Variants in MYRIP observed in about 807,000 individuals in gnomAD.
MYRIP encodes the protein rab effector MyRIP.
MYRIP carries 49 observed loss-of-function variants against 98.0 expected under a neutral mutation model. The ratio of observed to expected loss-of-function variants is 0.50; its 90% CI spans 0.40 to 0.63. The LOEUF is 0.63. Among genes scored for constraint, MYRIP ranks in the 30% least tolerant of loss-of-function variants. MYRIP has a pLI of 0.00. For missense variants in MYRIP, 1,004 were observed against 1,058.2 expected (o/e 0.95, Z 0.71); for synonymous variants, 404 against 409.5 (o/e 0.99, Z 0.16).
Position 40,258,353 on chromosome 3 carries a change from G to A in MYRIP, c.*187G>A, listed in dbSNP as rs1953666663. 1.8e-5 allele frequency: 11 copies of A among 600,500 alleles called. No individual in the cohort carries two copies. The highest frequency in any genetic ancestry group is 5.2e-5 in the Admixed American group (2 of 38,322). 37.2% of individuals were successfully genotyped at this position (600,500 alleles called of 1,614,324 possible). A position where few individuals can be genotyped will look rare whatever the true frequency, so the allele number is the denominator to read the frequency against. On this transcript the variant is annotated 3_prime_UTR_variant, in exon 17 of 17. Transcript: ENST00000302541. ...AAGCCGTCTCAGACTTCAGCACTGC[G>A]GTCTTGCCCACTCTCTGCCTTAGGC... is the stretch of plus-strand genomic sequence containing the variant.
chr3:40,024,230 A>C (rs1014930403), intron 2 of MYRIP, among the ~76,000 whole-genome samples: 1 of 152,178 alleles, frequency 6.6e-6, no homozygotes, highest in Admixed American at 6.5e-5. Context: ...CTCTTAAATG[A>C]AGGATCCTGG....
intron 1 of MYRIP, among the ~76,000 whole-genome samples, chr3:39,890,911 G>C (rs1430905127): frequency 6.6e-6 from 1 of 152,016 alleles, no homozygotes; most frequent in South Asian, 2.1e-4. Flanking sequence ...CCCTTGCCTT[G>C]AAGAAGGGTA....
At chr3:39,858,431 G>A (rs1942369333) in intron 1 of MYRIP, among the ~76,000 whole-genome samples, 1 of 152,074 alleles carries the variant, frequency 6.6e-6, no homozygotes, top group African/African-American at 2.4e-5. Flanking sequence ...AAATAGCAAT[G>A]CAGTAACAGT....
chr3:39,958,544 A>C (rs1331798152), intron 2 of MYRIP, among the ~76,000 whole-genome samples: 1 of 152,228 alleles, frequency 6.6e-6, no homozygotes, highest in Non-Finnish European at 1.5e-5. Context: ...TGGATTAAAG[A>C]CTTAAATGTT....
At chr3:40,094,660 C>T (rs978570449) in intron 3 of MYRIP, among the ~76,000 whole-genome samples, 1 of 152,128 alleles carries the variant, frequency 6.6e-6, no homozygotes, top group Non-Finnish European at 1.5e-5. Flanking sequence ...AATCCCATTC[C>T]CCTCTGTTTC....
chr3:40,060,931 T>C (rs1947999777), intron 3 of MYRIP, among the ~76,000 whole-genome samples: 1 of 152,204 alleles, frequency 6.6e-6, no homozygotes, highest in Admixed American at 6.5e-5. Context: ...TAAAAATGTA[T>C]AGGTTTTCAT....
chr3:40,135,190 G>A (rs950983056), intron 3 of MYRIP, among the ~76,000 whole-genome samples: 4 of 152,172 alleles, frequency 2.6e-5, no homozygotes, highest in African/African-American at 9.7e-5. Flanking sequence ...GTCCTTAAAG[G>A]ACCTGATGGA....
At chr3:40,183,557 C>T (rs933337960) in intron 9 of MYRIP, among the ~76,000 whole-genome samples, 9 of 152,178 alleles carry the variant, frequency 5.9e-5, no homozygotes, top group East Asian at 1.9e-4. Flanking sequence ...CTGTGGGTGA[C>T]GGCCGAGGGC....
intron 2 of MYRIP, among the ~76,000 whole-genome samples, chr3:39,959,966 G>A (rs536415630): frequency 6.6e-6 from 1 of 152,022 alleles, no homozygotes; most frequent in African/African-American, 2.4e-5. Flanking sequence ...GTACAAAACA[G>A]GTAGGAAAAA....
rs553575628 is a variant in MYRIP at position 40,231,829 on chromosome 3, T to A, written c.1906-2030T>A. ...TTTCAAAAGATCTGCAAAGGCACTG[T>A]GTCTACCAAATAAGGGGCAATTTTT... On this transcript the variant is annotated intron_variant, in intron 11 of 16. Coordinates refer to ENST00000302541, the MANE Select transcript of MYRIP (RefSeq NM_015460.4). Among the ~76,000 whole-genome samples the A allele has an allele frequency of 1.4e-4, 22 of 152,370 alleles. No individual in the cohort carries two copies. In the South Asian group the frequency reaches 2.5e-3, roughly 17 times the overall value.
rs75308864 is a variant in MYRIP, at chr3:40,065,568, T to C, written c.332+21297T>C. 3.9e-4 allele frequency among the ~76,000 whole-genome samples: 60 copies of C among 152,292 alleles called. No homozygotes were observed. In the East Asian group the frequency reaches 0.01, roughly 26 times the overall value. On this transcript the variant is annotated intron_variant, in intron 3 of 16. Coordinates refer to ENST00000302541, the MANE Select transcript of MYRIP (RefSeq NM_015460.4). Reference sequence around the variant, plus strand: ...CAGGATGTTAGTCTGGAATTGGCATTGGTGTGACTTTAGAAAGAGATATAA... The same window carrying C: ...CAGGATGTTAGTCTGGAATTGGCATCGGTGTGACTTTAGAAAGAGATATAA...
intron 2 of MYRIP, among the ~76,000 whole-genome samples, chr3:39,941,020 T>A (rs1944770729): frequency 6.6e-6 from 1 of 152,032 alleles, no homozygotes; most frequent in African/African-American, 2.4e-5. Flanking sequence ...AAAAAGTGAA[T>A]GAAAAAGGTA....
chr3:39,813,908 T>A (rs552667730), intron 1 of MYRIP, among the ~76,000 whole-genome samples: 1 of 152,178 alleles, frequency 6.6e-6, no homozygotes, highest in Non-Finnish European at 1.5e-5. Flanking sequence ...ATTTTTGTGA[T>A]TTTTTTCACC....
At chr3:39,878,976 G>A (rs559794639) in intron 1 of MYRIP, among the ~76,000 whole-genome samples, 268 of 151,928 alleles carry the variant, frequency 1.8e-3, no homozygotes, top group Non-Finnish European at 3.1e-3. Flanking sequence ...TGAGGCAGGA[G>A]AATCACTTGA....
chr3:39,963,852 T>C (rs1426939353), intron 2 of MYRIP, among the ~76,000 whole-genome samples: 1 of 152,200 alleles, frequency 6.6e-6, no homozygotes, highest in East Asian at 1.9e-4. Context: ...TCATATTATA[T>C]GTTAGAAATC....
At chr3:39,983,214 C>T (rs774448709) in intron 2 of MYRIP, among the ~76,000 whole-genome samples, 22 of 152,192 alleles carry the variant, frequency 1.4e-4, no homozygotes, top group Non-Finnish European at 3.2e-4. Flanking sequence ...CTGCCAGTGC[C>T]TGTGCAGTAC....
intron 3 of MYRIP, among the ~76,000 whole-genome samples, chr3:40,123,500 A>T (rs1450914337): frequency 6.6e-6 from 1 of 152,152 alleles, no homozygotes; most frequent in East Asian, 1.9e-4. Context: ...TCTCCAGCAT[A>T]AGTCTCAGGA....
At chr3:40,250,637 G>A (rs1158429469) in intron 15 of MYRIP, 138 bp downstream of exon 15, 1 of 1,037,192 alleles carries the variant, frequency 9.6e-7, no homozygotes, top group Non-Finnish European at 1.4e-6. Flanking sequence ...ATCTTGATTT[G>A]GGTCCCCCCA....
At chr3:40,117,571 A>C (rs942833446) in intron 3 of MYRIP, among the ~76,000 whole-genome samples, 6 of 152,230 alleles carry the variant, frequency 3.9e-5, no homozygotes, top group Non-Finnish European at 5.9e-5. Context: ...CCTCAAGAGT[A>C]ATATTGGCAC....
Sources: allele counts gnomAD v4.1 joint callset (sites outside exome capture counted in the v4.1 genomes callset), GRCh38; gene constraint gnomAD v4.1.1; transcripts MANE v1.5; gene names NCBI Gene and HGNC (gene_info 2026-07-23, HGNC 2026-07-21).